The following TNRC18 variants were observed in gnomAD, a reference collection of about 807,000 sequenced individuals.
The protein encoded by TNRC18 is trinucleotide repeat-containing gene 18 protein.
TNRC18 carries 69 observed loss-of-function variants against 226.7 expected under a neutral mutation model. The ratio of observed to expected loss-of-function variants is 0.30; its 90% CI spans 0.25 to 0.37. TNRC18 has a LOEUF of 0.37. Ranked by LOEUF, TNRC18 falls within the 10% of genes least tolerant of loss-of-function variation. The pLI is 1.00. For missense variants in TNRC18, 4,754 were observed against 4,256.6 expected (o/e 1.12, Z -3.25); for synonymous variants, 2,449 against 1,927.6 (o/e 1.27, Z -7.09).
At chr7:5,332,581 A>AG in intron 19 of TNRC18, 41 bp downstream of exon 19, 1 of 1,500,272 alleles carries the variant, frequency 6.7e-7, no homozygotes, top group Non-Finnish European at 8.9e-7. Flanking sequence ...ACGGAACCCC[A>AG]GGGACCCTTC....
Position 5,345,756 on chromosome 7 carries a change from G to C in TNRC18, c.5525C>G (p.Ala1842Gly). ...ACCCAGCCTGTAGCCACCACCGCTG[G>C]CCTCGTCCTCCTCCTCGAGCTCCTC... ...EEEELEEEDEASGGGYRLGAR... is the reference protein window; with the variant it reads ...EEEELEEEDEGSGGGYRLGAR... Residue 1842 changes from alanine to glycine, a missense_variant, in exon 18 of 30, where the codon GCC (alanine) becomes GGC (glycine). Physicochemically the swap from Ala to Gly is moderately conservative, Grantham distance 60 (BLOSUM62 0). Transcript: ENST00000430969. 2 of 1,548,274 alleles carry C rather than the reference G, an allele frequency of 1.3e-6. No homozygotes were observed. The highest frequency in any genetic ancestry group is 8.7e-7 in the Non-Finnish European group (1 of 1,146,860).
Position 5,404,762 on chromosome 7 carries a change from C to CTGTGTGTGTG in TNRC18, c.188-10168_188-10167insCACACACACA, listed in dbSNP as rs1562627364. ...AACCCCAGCAGCGCATGCACACTTTCAGTGTGTGTGTGTGTGTGTGTGTGT... is the reference window on the plus strand; with the variant it reads ...AACCCCAGCAGCGCATGCACACTTTCTGTGTGTGTGAGTGTGTGTGTGTGTGTGTGTGTGT... On this transcript the variant is annotated intron_variant, in intron 2 of 29. Coordinates refer to ENST00000430969, the MANE Select transcript of TNRC18 (RefSeq NM_001080495.3). 1.2e-4 allele frequency among the ~76,000 whole-genome samples: 13 copies of CTGTGTGTGTG among 108,980 alleles called. No individual in the cohort carries two copies. In the East Asian group the frequency reaches 2.9e-3, roughly 24 times the overall value. 71.5% of individuals were successfully genotyped at this position (108,980 alleles called of 152,430 possible).
intron 21 of TNRC18, among the ~76,000 whole-genome samples, chr7:5,322,886 C>T (rs771054072): frequency 6.6e-6 from 1 of 152,238 alleles, no homozygotes; most frequent in African/African-American, 2.4e-5. Flanking sequence ...CACACCCTGA[C>T]GTTGGGCTTG....
Position 5,313,375 on chromosome 7 carries a change from G to A in TNRC18, c.7516C>T (p.Pro2506Ser), listed in dbSNP as rs1364885416. The change falls in exon 27 of 30, where the codon CCC becomes TCC. Residue 2506 changes from proline to serine, a missense_variant. Transcript: ENST00000430969. ...KSLLSLGSYP[P>S]AAGSSEPKAP... ...TTGGGCTCGCTGCTGCCGGCCGCGG[G>A]GGGATAGCTGCCCAGGCTCAGGAGG... is the stretch of plus-strand genomic sequence containing the variant. The A allele has an allele frequency of 8.8e-6, 14 of 1,585,072 alleles. No homozygotes were observed. Among genetic ancestry groups the A allele is most frequent in the East Asian group, 2.3e-5 (1 of 43,298 alleles).
rs1780069316 is a variant in TNRC18 at position 5,389,097 on chromosome 7, G to C, written c.727C>G (p.Gln243Glu). Residue 243 changes from glutamine to glutamate, a missense_variant, in exon 5 of 30, where the codon CAG becomes GAG. Gln to Glu is a conservative substitution (Grantham distance 29, BLOSUM62 2). Coordinates refer to ENST00000430969, the MANE Select transcript of TNRC18 (RefSeq NM_001080495.3). ...SGPRGVVDLT[Q>E]EARAEGRQDR... ...TGGCGGCCCTCGGCGCGCGCCTCCT[G>C]GGTCAGGTCCACCACGCCCCGTGGC... 7.7e-7 allele frequency: 1 copy of C among 1,300,740 alleles called. No individual in the cohort carries two copies. Among genetic ancestry groups the C allele is most frequent in the Non-Finnish European group, 9.8e-7 (1 of 1,020,564 alleles). The allele number at this position is 1,300,740 out of a possible 1,614,324, so 80.6% of individuals were successfully genotyped here.
At position 5,374,185 on chromosome 7, in the gene TNRC18, GCTGGTGGGGTGGGAGCT is replaced by G; in HGVS notation, c.3082_3098del (p.Ser1028ProfsTer80). 7.4e-7 allele frequency: 1 copy of G among 1,353,048 alleles called. No homozygotes were observed. The highest frequency in any genetic ancestry group is 3.8e-5 in the Admixed American group (1 of 26,170). The allele number at this position is 1,353,048 out of a possible 1,614,324, so 83.8% of individuals were successfully genotyped here. A position where few individuals can be genotyped will look rare whatever the true frequency, so the allele number is the denominator to read the frequency against. On this transcript the variant is annotated frameshift_variant, in exon 10 of 30. Coordinates refer to ENST00000430969, the MANE Select transcript of TNRC18 (RefSeq NM_001080495.3). LOFTEE classifies it high-confidence loss of function. The stretch of plus-strand genomic sequence containing the variant: ...TGGGCGGTGGGGAGGCGGGCGGCGG[GCTGGTGGGGTGGGAGCT>G]GGGGGTGGCGGGGTAGGCGTAGGCG...
intron 5 of TNRC18, among the ~76,000 whole-genome samples, chr7:5,379,531 G>A (rs57423921): frequency 0.22 from 33,179 of 152,036 alleles, 6,491 homozygotes; most frequent in African/African-American, 0.52. Context: ...CCTATAGCCA[G>A]CCCCTGAGTC....
chr7:5,308,585 C>T (rs1402291700), intron 29 of TNRC18, among the ~76,000 whole-genome samples: 1 of 152,084 alleles, frequency 6.6e-6, no homozygotes, highest in East Asian at 1.9e-4. Context: ...CAGAGAGACA[C>T]AGAGACTGAA....
chr7:5,413,194 C>T (rs895461237), intron 2 of TNRC18, among the ~76,000 whole-genome samples: 5 of 152,160 alleles, frequency 3.3e-5, no homozygotes, highest in Admixed American at 6.5e-5. Context: ...GGCTACAGTA[C>T]ATGAGAGGGT....
chr7:5,412,829 G>C (rs1269902048), intron 2 of TNRC18, among the ~76,000 whole-genome samples: 1 of 152,186 alleles, frequency 6.6e-6, no homozygotes, highest in East Asian at 1.9e-4. Flanking sequence ...TCAGAAATGT[G>C]TCAAATGGTT....
chr7:5,364,462 A>AACACACACACACAC (rs58752853), intron 11 of TNRC18, among the ~76,000 whole-genome samples: 248 of 116,668 alleles, frequency 2.1e-3, no homozygotes, highest in Admixed American at 4.1e-3. Context: ...TCTCAAAGAA[A>AACACACACACACAC]ACACACACAC....
At chr7:5,390,262 G>A (rs1780187560) in intron 4 of TNRC18, 4 of 561,054 alleles carry the variant, frequency 7.1e-6, no homozygotes, top group Non-Finnish European at 1.2e-5. Flanking sequence ...CTACTTGGGG[G>A]GCTGAGTCAG....
intron 5 of TNRC18, among the ~76,000 whole-genome samples, chr7:5,386,104 T>C (rs1335870254): frequency 6.6e-6 from 1 of 150,474 alleles, no homozygotes; most frequent in African/African-American, 2.5e-5. Context: ...CTGGCCAATA[T>C]GGTGAAACCC....
At chr7:5,412,040 A>G (rs914289835) in intron 2 of TNRC18, among the ~76,000 whole-genome samples, 22 of 152,016 alleles carry the variant, frequency 1.4e-4, no homozygotes, top group African/African-American at 5.1e-4. Context: ...TTTAACAGTT[A>G]GCCAGGTGTG....
chr7:5,328,006 G>C (rs1406094566), intron 19 of TNRC18, among the ~76,000 whole-genome samples: 1 of 152,050 alleles, frequency 6.6e-6, no homozygotes, highest in Non-Finnish European at 1.5e-5. Flanking sequence ...CGGATCACTT[G>C]AGGCCAGGAG....
At position 5,357,064 on chromosome 7, in the gene TNRC18, C is replaced by T. The variant is rs1472349755; in HGVS notation, c.5046G>A (p.Lys1682=). The T allele has an allele frequency of 3.2e-6, 5 of 1,552,170 alleles. No individual in the cohort carries two copies. The highest frequency in any genetic ancestry group is 2.0e-5 in the Admixed American group (1 of 51,006). The change falls in exon 16 of 30, where the codon AAG becomes AAA. Residue 1682 remains lysine, a synonymous_variant. Transcript: ENST00000430969. ...AGGATTTCAGAGACAGGCCGAGGCCCTTGGCCAGCGCCTTCCTGTTCTTCC... is the reference window on the plus strand; with the variant it reads ...AGGATTTCAGAGACAGGCCGAGGCCTTTGGCCAGCGCCTTCCTGTTCTTCC... ...LLGKNRKALA[K]GLGLSLKSSR... is the part of the protein sequence containing the mutation.
Position 5,388,534 on chromosome 7 carries a change from GTTC to G in TNRC18, c.1287_1289del (p.Lys429del), listed in dbSNP as rs1779999766. The G allele has an allele frequency of 4.5e-6, 6 of 1,319,086 alleles. No homozygotes were observed. Among genetic ancestry groups the G allele is most frequent in the Non-Finnish European group, 5.8e-6 (6 of 1,038,334 alleles). The allele number at this position is 1,319,086 out of a possible 1,614,324, so 81.7% of individuals were successfully genotyped here. On this transcript the variant is annotated inframe_deletion, in exon 5 of 30. Transcript: ENST00000430969. ...GCCGCTTGAGCGAGCGGATGACCGA[GTTC>G]TTCTCGCGCAGGCCCTCGGGCCGGT...
rs766742692 is a variant in TNRC18 at position 5,313,570 on chromosome 7, G to C, written c.7321C>G (p.Arg2441Gly). The change falls in exon 27 of 30, where the codon CGG becomes GGG. Residue 2441 changes from arginine (R) to glycine (G), a missense_variant. Arg to Gly is a moderately radical substitution (Grantham distance 125). Transcript: ENST00000430969. The stretch of plus-strand genomic sequence containing the variant: ...TTGGCACCCGACTCCTCGGCTGCCC[G>C]CGCCTTCTTGGGCTTGGGGCGTGTG... ...PATRPKPKKA[R>G]AAEESGAKGP... 3.7e-5 allele frequency: 60 copies of C among 1,604,944 alleles called. No individual in the cohort carries two copies. The highest frequency in any genetic ancestry group is 4.9e-5 in the Non-Finnish European group (58 of 1,176,434).
rs1178548409 is a variant in TNRC18 at position 5,324,640 on chromosome 7, T to C, written c.6301-285A>G. Among the ~76,000 whole-genome samples the C allele has an allele frequency of 1.3e-5, 2 of 152,224 alleles. No homozygotes were observed. The highest frequency in any genetic ancestry group is 3.8e-4 in the East Asian group (2 of 5,198). ...TCACTACCATACCTCAGTCCATCAC[T>C]ATGGCAGGTGCCTCCGTTCCCTTCT... On this transcript the variant is annotated intron_variant, in intron 20 of 29. Transcript: ENST00000430969. This position sits in a 1 kb window ranked among gnomAD's most constrained non-coding sequence, Gnocchi z 4.8.
Sources: gnomAD v4.1 joint callset for allele counts (sites outside exome capture counted in the v4.1 genomes callset) on GRCh38, gnomAD v4.1.1 for gene constraint, Gnocchi (gnomAD v3.1) non-coding constraint, MANE v1.5 for transcripts, NCBI Gene and HGNC (gene_info 2026-07-23, HGNC 2026-07-21) for gene names.